Variants in BTRC observed in about 807,000 individuals in gnomAD.
BTRC encodes beta-transducin repeat containing E3 ubiquitin protein ligase, also known as F-box/WD repeat-containing protein 1A.
BTRC carries 42 observed loss-of-function variants against 85.5 expected under a neutral mutation model. The observed-to-expected ratio is 0.49, with a 90% CI of 0.38 to 0.64. The LOEUF (loss-of-function observed/expected upper bound fraction) is 0.64, where lower values mean the gene tolerates loss of function less well. BTRC is among the 30% of genes least tolerant of loss of function. The probability of loss-of-function intolerance (pLI) is 0.00; values close to 1 mark genes in which losing one functional copy is unlikely to be tolerated. For synonymous variants in BTRC, 255 were observed against 263.3 expected, an observed-to-expected ratio of 0.97 and a Z score of 0.30; for missense variants, 594 against 743.5, an observed-to-expected ratio of 0.80 and a Z score of 2.34.
In BTRC at chr10:101,418,595, C is replaced by T. The variant is rs542879760; in HGVS notation, c.49-11750C>T. Among the ~76,000 whole-genome samples the T allele has an allele frequency of 5.3e-5, 8 of 151,936 alleles. No homozygotes were observed. The East Asian group carries it at 1.2e-3, about 22-fold the overall frequency. On this transcript the variant is annotated intron_variant, in intron 1 of 14. Coordinates refer to ENST00000370187, the MANE Select transcript of BTRC (RefSeq NM_033637.4). ...TGATATACCTTGGCAATAGTTTAGA[C>T]CTCTTCTAGAATTTTCTCACATCTG...
chr10:101,465,570 G>A (rs879351197), intron 3 of BTRC, among the ~76,000 whole-genome samples: 11 of 152,116 alleles, frequency 7.2e-5, no homozygotes, highest in Non-Finnish European at 1.3e-4. Flanking sequence ...TGGTTTTACT[G>A]GTGAATTCAA....
chr10:101,460,539 A>G (rs1236558353), intron 2 of BTRC, among the ~76,000 whole-genome samples: 2 of 152,254 alleles, frequency 1.3e-5, no homozygotes, highest in South Asian at 4.1e-4. Flanking sequence ...AATGTAAAAT[A>G]TCAAGTTAAA....
chr10:101,399,544 G>T (rs191598269), intron 1 of BTRC, among the ~76,000 whole-genome samples: 2 of 152,252 alleles, frequency 1.3e-5, no homozygotes, highest in African/African-American at 4.8e-5. Context: ...TATTCCGTGT[G>T]CCTAGCTGTT....
chr10:101,383,504 CCTTT>C (rs1341933151), intron 1 of BTRC, among the ~76,000 whole-genome samples: 2 of 151,676 alleles, frequency 1.3e-5, no homozygotes, highest in Non-Finnish European at 2.9e-5. Flanking sequence ...CCGTTTTCTT[CCTTT>C]CTTCTTTTCT....
intron 4 of BTRC, among the ~76,000 whole-genome samples, chr10:101,501,475 A>C (rs1946399525): frequency 1.3e-5 from 2 of 152,192 alleles, no homozygotes; most frequent in South Asian, 4.1e-4. Flanking sequence ...GTGTTGCCTC[A>C]CTTTTGCTTT....
chr10:101,478,193 C>T (rs552393398), intron 3 of BTRC, among the ~76,000 whole-genome samples: 3 of 151,458 alleles, frequency 2.0e-5, no homozygotes, highest in South Asian at 4.2e-4. Context: ...CCCAGCTACT[C>T]GGGAGACTCA....
chr10:101,474,536 G>A (rs569914273), intron 3 of BTRC, among the ~76,000 whole-genome samples: 11 of 152,230 alleles, frequency 7.2e-5, no homozygotes, highest in Middle Eastern at 3.4e-3. Flanking sequence ...CTTCATGTAC[G>A]TAGTTTGGGT....
intron 1 of BTRC, among the ~76,000 whole-genome samples, chr10:101,424,371 A>G (rs1195370749): frequency 6.6e-6 from 1 of 152,176 alleles, no homozygotes; most frequent in Admixed American, 6.5e-5. Context: ...AGAGGCAATC[A>G]TTGGATTTGT....
At chr10:101,390,306 T>C (rs918470720) in intron 1 of BTRC, among the ~76,000 whole-genome samples, 2 of 151,834 alleles carry the variant, frequency 1.3e-5, no homozygotes, top group African/African-American at 4.8e-5. Context: ...AATCAAACAA[T>C]GTTTATCAGT....
intron 10 of BTRC, 56 bp from the exon 11 acceptor site, chr10:101,535,298 T>C (rs1223223413): frequency 7.4e-7 from 1 of 1,352,054 alleles, no homozygotes; most frequent in Non-Finnish European, 1.1e-6. Flanking sequence ...CCATTTGCCA[T>C]AGATTTTACC....
At chr10:101,362,164 T>A (rs994926228) in intron 1 of BTRC, among the ~76,000 whole-genome samples, 2 of 151,836 alleles carry the variant, frequency 1.3e-5, no homozygotes, top group African/African-American at 4.8e-5. Flanking sequence ...TTTCACCATG[T>A]TGGCCAGGAC....
At chr10:101,514,173 A>G (rs1255149983) in intron 4 of BTRC, among the ~76,000 whole-genome samples, 1 of 152,206 alleles carries the variant, frequency 6.6e-6, no homozygotes, top group African/African-American at 2.4e-5. Context: ...GCTGGATACA[A>G]GTCCTTTGTG....
chr10:101,555,578 G>A lies in BTRC; in HGVS notation c.*2455G>A, dbSNP rs2062714380. The A allele has an allele frequency of 6.6e-6, 1 of 152,564 alleles. No homozygotes were observed. Among genetic ancestry groups the A allele is most frequent in the Non-Finnish European group, 1.5e-5 (1 of 68,038 alleles). 9.5% of individuals were successfully genotyped at this position (152,564 alleles called of 1,614,324 possible). On this transcript the variant is annotated 3_prime_UTR_variant, in exon 15 of 15. Transcript: ENST00000370187. ...GGTCATTTACCAGTTTGTTGTAGAA[G>A]AAATAATCAGGTAAGTTAAAAGTTC...
intron 4 of BTRC, among the ~76,000 whole-genome samples, chr10:101,496,443 C>G (rs1946262657): frequency 6.6e-6 from 1 of 152,128 alleles, no homozygotes; most frequent in Admixed American, 6.6e-5. Flanking sequence ...AGAGGCATGG[C>G]TTCACTCTGT....
chr10:101,540,408 T>G (rs968746691), intron 13 of BTRC, among the ~76,000 whole-genome samples: 1 of 152,218 alleles, frequency 6.6e-6, no homozygotes, highest in African/African-American at 2.4e-5. Context: ...TTTGCAGCTT[T>G]GTCAAAAATG....
chr10:101,507,936 G>T (rs1433653254), intron 4 of BTRC, among the ~76,000 whole-genome samples: 2 of 152,074 alleles, frequency 1.3e-5, no homozygotes, highest in Non-Finnish European at 2.9e-5. Context: ...TGTGTAGTTA[G>T]TAGCTATAAT....
chr10:101,461,733 C>A (rs1487246422), intron 2 of BTRC, among the ~76,000 whole-genome samples: 1 of 152,156 alleles, frequency 6.6e-6, no homozygotes, highest in East Asian at 1.9e-4. Flanking sequence ...TGAATATGAT[C>A]TCCTACACAA....
At chr10:101,510,639 G>T (rs1175468422) in intron 4 of BTRC, among the ~76,000 whole-genome samples, 1 of 151,780 alleles carries the variant, frequency 6.6e-6, no homozygotes, top group Non-Finnish European at 1.5e-5. Flanking sequence ...TGTAAGTTTT[G>T]CCTTGTTTCT....
chr10:101,371,186 GTT>G (rs60045010), intron 1 of BTRC, among the ~76,000 whole-genome samples: 1 of 149,534 alleles, frequency 6.7e-6, no homozygotes. Context: ...TTTGTTTGGT[GTT>G]TTTTTTTTCC....
Sources: gnomAD v4.1 joint callset for allele counts (sites outside exome capture counted in the v4.1 genomes callset) on GRCh38, gnomAD v4.1.1 for gene constraint, MANE v1.5 for transcripts, NCBI Gene and HGNC (gene_info 2026-07-23, HGNC 2026-07-21) for gene names.